The following TAFA2 variants were observed in gnomAD, a reference collection of about 807,000 sequenced individuals.
TAFA2 encodes TAFA chemokine like family member 2.
TAFA2 carries 7 observed loss-of-function variants against 18.8 expected under a neutral mutation model. The ratio of observed to expected loss-of-function variants is 0.37; its 90% CI spans 0.21 to 0.70. The LOEUF (loss-of-function observed/expected upper bound fraction) is 0.70, where lower values mean the gene tolerates loss of function less well. Ranked by LOEUF, TAFA2 falls within the 30% of genes least tolerant of loss-of-function variation. The pLI is 0.53. For missense variants in TAFA2, 122 were observed against 158.1 expected, an observed-to-expected ratio of 0.77 and a Z score of 1.23; for synonymous variants, 60 against 54.2, an observed-to-expected ratio of 1.11 and a Z score of -0.47.
intron 2 of TAFA2, among the ~76,000 whole-genome samples, chr12:61,805,534 T>A (rs1871575316): frequency 6.6e-6 from 1 of 152,138 alleles, no homozygotes; most frequent in Non-Finnish European, 1.5e-5. Flanking sequence ...ATTGCCCAAA[T>A]GTTAAACTCT....
At chr12:61,861,927 T>C (rs985491933) in intron 2 of TAFA2, among the ~76,000 whole-genome samples, 1 of 152,206 alleles carries the variant, frequency 6.6e-6, no homozygotes, top group African/African-American at 2.4e-5. Context: ...ACAATGAAGA[T>C]AACATATATT....
intron 1 of TAFA2, among the ~76,000 whole-genome samples, chr12:61,886,840 C>T (rs556962822): frequency 3.3e-5 from 5 of 152,166 alleles, no homozygotes; most frequent in South Asian, 2.1e-4. Context: ...TTATAATTGA[C>T]GATGTAATGA....
At chr12:61,957,084 A>T (rs1027331598) in intron 1 of TAFA2, among the ~76,000 whole-genome samples, 1 of 152,130 alleles carries the variant, frequency 6.6e-6, no homozygotes, top group Non-Finnish European at 1.5e-5. Flanking sequence ...GCTGACAGAG[A>T]TGGCAGTTAA....
chr12:61,839,914 A>G (rs1025103081), intron 2 of TAFA2, among the ~76,000 whole-genome samples: 2 of 152,082 alleles, frequency 1.3e-5, no homozygotes, highest in African/African-American at 4.8e-5. Context: ...GAGTCAATAT[A>G]AGAATACTGA....
chr12:61,780,796 T>A (rs561438924), intron 2 of TAFA2, among the ~76,000 whole-genome samples: 7 of 151,746 alleles, frequency 4.6e-5, no homozygotes, highest in Non-Finnish European at 8.8e-5. Flanking sequence ...TTGGGTTCAA[T>A]TTCTCTCCTC....
chr12:61,768,493 C>A (rs953848208), intron 2 of TAFA2, among the ~76,000 whole-genome samples: 2 of 151,908 alleles, frequency 1.3e-5, no homozygotes, highest in Non-Finnish European at 2.9e-5. Context: ...GTGAGATGGC[C>A]AAAAAAACTG....
intron 1 of TAFA2, chr12:62,255,428 G>T (rs1170833599): frequency 1.3e-5 from 2 of 152,152 alleles, no homozygotes; most frequent in Non-Finnish European, 2.9e-5. Flanking sequence ...ACACTTTCTT[G>T]AAAGTTTCCT....
Position 62,234,422 on chromosome 12 carries a change from T to C in TAFA2, c.-130+24341A>G, listed in dbSNP as rs552378319. On this transcript the variant is annotated intron_variant, in intron 1 of 5. Coordinates refer to the TAFA2 transcript ENST00000551619. Reference sequence around the variant, plus strand: ...GGAACAGGACCGTCCTGCTGTCCATTGTTGGCCCGTGGGTCTGAGGGTCCT... The same window carrying C: ...GGAACAGGACCGTCCTGCTGTCCATCGTTGGCCCGTGGGTCTGAGGGTCCT... The C allele has an allele frequency of 5.9e-5, 43 of 734,122 alleles. No individual in the cohort carries two copies. In the Admixed American group the frequency reaches 6.5e-4, roughly 11 times the overall value. The allele number at this position is 734,122 out of a possible 1,614,324, so 45.5% of individuals were successfully genotyped here.
intron 1 of TAFA2, among the ~76,000 whole-genome samples, chr12:62,005,990 A>G (rs1436406568): frequency 1.3e-5 from 2 of 152,224 alleles, no homozygotes; most frequent in Non-Finnish European, 2.9e-5. Context: ...TCTATTAAGC[A>G]AAATAAACTT....
chr12:61,932,928 T>A (rs851905), intron 1 of TAFA2, among the ~76,000 whole-genome samples: 6,148 of 152,264 alleles, frequency 0.04, 218 homozygotes, highest in African/African-American at 0.1. Context: ...GACTCTCTGC[T>A]GTTAGATCCT....
At chr12:62,096,435 A>C (rs1428387392) in intron 1 of TAFA2, among the ~76,000 whole-genome samples, 1 of 152,176 alleles carries the variant, frequency 6.6e-6, no homozygotes, top group Admixed American at 6.5e-5. Flanking sequence ...ACAGGATCCT[A>C]TTCATAAACA....
At chr12:62,248,397 A>G (rs2062897190) in intron 1 of TAFA2, among the ~76,000 whole-genome samples, 1 of 152,234 alleles carries the variant, frequency 6.6e-6, no homozygotes, top group African/African-American at 2.4e-5. Flanking sequence ...GTGTTAAGGG[A>G]CAGAATTTTT....
At chr12:62,195,060 T>C (rs2062643449), upstream of TAFA2, among the ~76,000 whole-genome samples, 1 of 152,158 alleles carries the variant, frequency 6.6e-6, no homozygotes, top group African/African-American at 2.4e-5. Flanking sequence ...ATCAGGGTAG[T>C]GGTTGCTGAA....
At chr12:61,901,645 C>T (rs1006712347) in intron 1 of TAFA2, among the ~76,000 whole-genome samples, 2 of 152,040 alleles carry the variant, frequency 1.3e-5, no homozygotes, top group African/African-American at 4.8e-5. Context: ...AGTACTTGGC[C>T]TGTAAAAATT....
At chr12:61,755,634 G>T (rs1484826820) in intron 2 of TAFA2, among the ~76,000 whole-genome samples, 1 of 152,046 alleles carries the variant, frequency 6.6e-6, no homozygotes, top group East Asian at 1.9e-4. Context: ...TTTCAATTTT[G>T]CCTGAGAGGG....
chr12:61,921,122 A>G (rs943754277), intron 1 of TAFA2, among the ~76,000 whole-genome samples: 3 of 152,174 alleles, frequency 2.0e-5, no homozygotes, highest in African/African-American at 7.2e-5. Flanking sequence ...CATTATGAGG[A>G]ATTGGCTTTG....
At chr12:61,955,923 G>A (rs1284152578) in intron 1 of TAFA2, among the ~76,000 whole-genome samples, 2 of 151,616 alleles carry the variant, frequency 1.3e-5, no homozygotes, top group East Asian at 1.9e-4. Flanking sequence ...TAATCTTAGC[G>A]ATTTTAAAAC....
At chr12:61,787,634 G>A (rs1870793290) in intron 2 of TAFA2, among the ~76,000 whole-genome samples, 1 of 151,594 alleles carries the variant, frequency 6.6e-6, no homozygotes, top group South Asian at 2.1e-4. Flanking sequence ...GCTTAAAGTA[G>A]TCTGTTATAA....
intron 1 of TAFA2, among the ~76,000 whole-genome samples, chr12:61,893,467 G>A (rs2121300795): frequency 1.3e-5 from 2 of 152,326 alleles, no homozygotes; most frequent in Middle Eastern, 6.8e-3. Context: ...GACGATGTGT[G>A]TGTGAAATGG....
Sources: gnomAD v4.1 joint callset for allele counts (sites outside exome capture counted in the v4.1 genomes callset) on GRCh38, gnomAD v4.1.1 for gene constraint, MANE v1.5 for transcripts, NCBI Gene and HGNC (gene_info 2026-07-23, HGNC 2026-07-21) for gene names.